Variants in UTP20 observed in about 807,000 individuals in gnomAD.
UTP20 encodes the protein small subunit processome component 20 homolog.
In UTP20, 164 loss-of-function variants were observed where a neutral mutation model predicts 329.5. The observed-to-expected ratio is 0.50, with a 90% CI of 0.44 to 0.57. UTP20 has a LOEUF of 0.57. Among genes scored for constraint, UTP20 ranks in the 20% least tolerant of loss-of-function variants. The pLI is 0.00. For missense variants in UTP20, 3,055 were observed against 3,284.2 expected (o/e 0.93, Z 1.71); for synonymous variants, 1,151 against 1,159.3 (o/e 0.99, Z 0.14).
chr12:101,325,812 A>G (rs1442056374), intron 25 of UTP20, among the ~76,000 whole-genome samples: 3 of 152,230 alleles, frequency 2.0e-5, no homozygotes, highest in African/African-American at 7.2e-5. Flanking sequence ...TCCAATAACT[A>G]AATTCTAGCA....
chr12:101,345,626 G>C lies in UTP20; in HGVS notation c.4678G>C (p.Asp1560His). The change falls in exon 37 of 62, where the codon GAC becomes CAC. Residue 1560 changes from aspartate to histidine, a missense_variant. Physicochemically the swap from Asp to His is moderately conservative, Grantham distance 81 (BLOSUM62 -1). Around this residue, in one of 3 missense-constraint regions of UTP20, gnomAD observed 2,445 missense variants for 2,575.5 expected, o/e 0.95. Coordinates refer to ENST00000261637, the MANE Select transcript of UTP20 (RefSeq NM_014503.3). Reference sequence around the variant, plus strand: ...CTTTCCAAACCAACTGGAATTCAAAGACTTGGTACAACTTACTCATTACCA... The same window carrying C: ...CTTTCCAAACCAACTGGAATTCAAACACTTGGTACAACTTACTCATTACCA... Reference protein sequence around the residue: ...QTFPNQLEFKDLVQLTHYHDP... With the variant: ...QTFPNQLEFKHLVQLTHYHDP... 1.9e-6 allele frequency: 3 copies of C among 1,612,982 alleles called. No homozygotes were observed. The highest frequency in any genetic ancestry group is 2.5e-6 in the Non-Finnish European group (3 of 1,179,282).
rs955245576 is a variant in UTP20 at position 101,379,495 on chromosome 12, G to C, written c.7521G>C (p.Lys2507Asn). 3 of 1,613,884 alleles carry C rather than the reference G, an allele frequency of 1.9e-6. No individual in the cohort carries two copies. The change falls in exon 57 of 62, where the codon AAG becomes AAC. Residue 2507 changes from lysine (K) to asparagine (N), a missense_variant. Coordinates refer to ENST00000261637, the MANE Select transcript of UTP20 (RefSeq NM_014503.3). ...TTATTCAAAAATGGAATACCAAAAAGACCAAAAAACACCTCCCAGAACCTG... is the reference window on the plus strand; with the variant it reads ...TTATTCAAAAATGGAATACCAAAAACACCAAAAAACACCTCCCAGAACCTG... ...EELIQKWNTK[K>N]TKKHLPEPVA...
chr12:101,383,261 T>C lies in UTP20; in HGVS notation c.7877T>C (p.Leu2626Pro), dbSNP rs767586083. ...PATLLWLIQK[L>P]SRIAKLEAAY... ...ACGCTGCTGTGGTTGATCCAGAAGC[T>C]GTCCCGGATTGCAAAACTGGAAGCT... The change falls in exon 59 of 62, where the codon CTG becomes CCG. Residue 2626 changes from leucine to proline, a missense_variant. This residue lies in a region of UTP20 where 337 missense variants were observed against 345.5 expected (regional missense o/e 0.98). Transcript: ENST00000261637. 3.7e-6 allele frequency: 6 copies of C among 1,614,014 alleles called. No homozygotes were observed. Among genetic ancestry groups the C allele is most frequent in the African/African-American group, 1.3e-5 (1 of 74,918 alleles).
intron 32 of UTP20, among the ~76,000 whole-genome samples, 159 bp from the exon 33 acceptor site, chr12:101,342,287 T>G (rs1262163842): frequency 6.6e-6 from 1 of 152,236 alleles, no homozygotes; most frequent in Admixed American, 6.5e-5. Flanking sequence ...TACATTAAAT[T>G]AAAATGCTAA....
rs1456536811 is a variant in UTP20 at position 101,346,572 on chromosome 12, A to T, written c.4868A>T (p.Asp1623Val). The T allele has an allele frequency of 1.9e-6, 3 of 1,600,064 alleles. No individual in the cohort carries two copies. The Admixed American group carries it at 5.3e-5, about 28-fold the overall frequency. ...CCTTATGCCATGACTCCAATTTTTG[A>T]TGAGAAAATGCTCAAGGTAGGTCAT... ...IMPYAMTPIFDEKMLKHENIT... is the reference protein window; with the variant it reads ...IMPYAMTPIFVEKMLKHENIT... Residue 1623 changes from aspartate (D) to valine (V), a missense_variant, in exon 38 of 62, where the codon GAT becomes GTT. Physicochemically the swap from Asp to Val is radical, Grantham distance 152 (BLOSUM62 -3). Around this residue, in one of 3 missense-constraint regions of UTP20, gnomAD observed 2,445 missense variants for 2,575.5 expected, o/e 0.95. Coordinates refer to ENST00000261637, the MANE Select transcript of UTP20 (RefSeq NM_014503.3).
At chr12:101,375,896 G>T in intron 56 of UTP20, 140 bp downstream of exon 56, 1 of 562,164 alleles carries the variant, frequency 1.8e-6, no homozygotes, top group Non-Finnish European at 3.0e-6. Flanking sequence ...AACCTAAAAG[G>T]TTCTATCAGA....
chr12:101,290,615 C>T, intron 7 of UTP20, 118 bp from the exon 8 acceptor site: 2 of 1,155,962 alleles, frequency 1.7e-6, no homozygotes, highest in East Asian at 2.7e-5. Flanking sequence ...GTTGCCATAT[C>T]CTTGACTATT....
chr12:101,300,059 A>G lies in UTP20; in HGVS notation c.1673A>G (p.Lys558Arg). The change falls in exon 14 of 62, where the codon AAA becomes AGA. Residue 558 changes from lysine to arginine, a missense_variant and splice_region_variant. Transcript: ENST00000261637. ...FMTVDKGSFG[K>R]GNLFVLCQAV... is the part of the protein sequence containing the mutation. ...ACTGTTGACAAAGGAAGCTTTGGGA[A>G]AGGTCAGTTACAATCATCATGTGTT... 1.9e-6 allele frequency: 3 copies of G among 1,614,034 alleles called. No homozygotes were observed. Among genetic ancestry groups the G allele is most frequent in the Non-Finnish European group, 2.5e-6 (3 of 1,179,884 alleles).
At chr12:101,345,303 CAG>C (rs919910662) in intron 36 of UTP20, among the ~76,000 whole-genome samples, 8 of 151,830 alleles carry the variant, frequency 5.3e-5, no homozygotes, top group Admixed American at 1.3e-4. Context: ...GTTTTTGAGA[CAG>C]GGGCTCACTT....
intron 4 of UTP20, 141 bp from the exon 5 acceptor site, chr12:101,286,180 G>T (rs539862308): frequency 5.0e-4 from 440 of 881,834 alleles, no homozygotes; most frequent in Admixed American, 7.0e-4. Flanking sequence ...AAGATTTAAA[G>T]AATTTTATAA....
chr12:101,320,810 T>C (rs767559429), intron 23 of UTP20, 42 bp from the exon 24 acceptor site: 25 of 1,527,360 alleles, frequency 1.6e-5, no homozygotes, highest in Non-Finnish European at 2.1e-5. Flanking sequence ...CTATGGTATA[T>C]GTATATATGA....
chr12:101,334,181 T>C (rs1868856944), intron 28 of UTP20, among the ~76,000 whole-genome samples: 2 of 152,226 alleles, frequency 1.3e-5, no homozygotes, highest in Non-Finnish European at 2.9e-5. Flanking sequence ...TCCAACACTC[T>C]GAAACCTAAA....
At chr12:101,382,508 T>C (rs938814753) in intron 58 of UTP20, among the ~76,000 whole-genome samples, 4 of 152,324 alleles carry the variant, frequency 2.6e-5, no homozygotes, top group Middle Eastern at 3.4e-3. Context: ...CTAGTCCAGA[T>C]AGATCAAAGT....
chr12:101,308,913 T>G (rs1199294291), intron 18 of UTP20, among the ~76,000 whole-genome samples: 1 of 152,114 alleles, frequency 6.6e-6, no homozygotes, highest in Non-Finnish European at 1.5e-5. Flanking sequence ...TTTTGTATTT[T>G]TCGTAGAGAT....
chr12:101,293,258 C>G lies in UTP20; in HGVS notation c.1251+13C>G. The G allele has an allele frequency of 6.2e-7, 1 of 1,611,088 alleles. No homozygotes were observed. ...GCAGTTTGAGCAGGTAAGCAAGTTA[C>G]TAAGTTCGGAGTATTTTTAAAAACA... On this transcript the variant is annotated intron_variant, in intron 11 of 61. Coordinates refer to ENST00000261637, the MANE Select transcript of UTP20 (RefSeq NM_014503.3).
Position 101,290,124 on chromosome 12 carries a change from C to A in UTP20, c.598-13C>A. 1 of 1,522,964 alleles carries A rather than the reference C, an allele frequency of 6.6e-7. No homozygotes were observed. Among genetic ancestry groups the A allele is most frequent in the Non-Finnish European group, 9.0e-7 (1 of 1,113,060 alleles). 94.3% of individuals were successfully genotyped at this position (1,522,964 alleles called of 1,614,324 possible). Reference sequence around the variant, plus strand: ...TTGTGAATATAATTTTCCATTTCTACTTTATATTTTAGGTCTCTGATAAAA... The same window carrying A: ...TTGTGAATATAATTTTCCATTTCTAATTTATATTTTAGGTCTCTGATAAAA... On this transcript the variant is annotated splice_polypyrimidine_tract_variant and intron_variant, in intron 6 of 61. Transcript: ENST00000261637.
rs139095183 is a variant in UTP20 at position 101,373,448 on chromosome 12, A to T, written c.6926A>T (p.Tyr2309Phe). ...GAGTCCACCTTGGAAATGATCGCCT[A>T]TCTCTTTGACACGTTCCCTCAGGTA... is the stretch of plus-strand genomic sequence containing the variant. ...GRESTLEMIA[Y>F]LFDTFPQGLL... Residue 2309 changes from tyrosine to phenylalanine, a missense_variant, in exon 53 of 62, where the codon TAT becomes TTT. Tyr to Phe is a conservative substitution (Grantham distance 22). Coordinates refer to ENST00000261637, the MANE Select transcript of UTP20 (RefSeq NM_014503.3). 2 of 1,614,076 alleles carry T rather than the reference A, an allele frequency of 1.2e-6. No individual in the cohort carries two copies. The highest frequency in any genetic ancestry group is 1.7e-6 in the Non-Finnish European group (2 of 1,180,028).
intron 29 of UTP20, among the ~76,000 whole-genome samples, chr12:101,335,724 A>G (rs187190984): frequency 1.1e-4 from 16 of 152,200 alleles, no homozygotes; most frequent in Admixed American, 1.0e-3. Context: ...TTTTTCATGT[A>G]TCTTTATGTC....
Position 101,291,871 on chromosome 12 carries a change from C to T in UTP20, c.1021C>T (p.Pro341Ser), listed in dbSNP as rs1229722695. The T allele has an allele frequency of 6.2e-7, 1 of 1,612,416 alleles. No individual in the cohort carries two copies. The highest frequency in any genetic ancestry group is 1.7e-5 in the Admixed American group (1 of 59,660). ...KHGSGTKIPTPADVCKVLSQT... is the reference protein window; with the variant it reads ...KHGSGTKIPTSADVCKVLSQT... ...TGGAAGTGGGACAAAGATACCCACG[C>T]CTGCTGATGTCTGTAAGGTGAGTTC... is the stretch of plus-strand genomic sequence containing the variant. The change falls in exon 9 of 62, where the codon CCT becomes TCT. Residue 341 changes from proline to serine, a missense_variant. Pro to Ser is a moderately conservative substitution (Grantham distance 74). This residue lies in a region of UTP20 where 2,445 missense variants were observed against 2,575.5 expected (regional missense o/e 0.95). Transcript: ENST00000261637.
Sources: gnomAD v4.1 joint callset for allele counts (sites outside exome capture counted in the v4.1 genomes callset) on GRCh38, gnomAD v4.1.1 for gene constraint, gnomAD v4.1.1 regional missense constraint, MANE v1.5 for transcripts, NCBI Gene and HGNC (gene_info 2026-07-23, HGNC 2026-07-21) for gene names.